Variants in CHRNA9 observed in about 807,000 individuals in gnomAD.
CHRNA9 encodes the protein neuronal acetylcholine receptor subunit alpha-9.
A neutral mutation model predicts 36.8 loss-of-function variants in CHRNA9; 24 were observed. The ratio of observed to expected loss-of-function variants is 0.65; its 90% CI spans 0.47 to 0.92. The LOEUF (loss-of-function observed/expected upper bound fraction) is 0.92, where lower values mean the gene tolerates loss of function less well. Among genes scored for constraint, CHRNA9 ranks in the 40% least tolerant of loss-of-function variants. The probability of loss-of-function intolerance (pLI) is 0.00; values close to 1 mark genes in which losing one functional copy is unlikely to be tolerated. For synonymous variants in CHRNA9, 231 were observed against 231.8 expected (o/e 1.00, Z 0.03); for missense variants, 610 against 601.2 (o/e 1.01, Z -0.15).
chr4:40,336,953 G>A (rs1712340615), intron 2 of CHRNA9, among the ~76,000 whole-genome samples: 1 of 152,088 alleles, frequency 6.6e-6, no homozygotes, highest in African/African-American at 2.4e-5. Flanking sequence ...GGAAATATAG[G>A]CAGTTGATCT....
rs1560319886 is a variant in CHRNA9, at chr4:40,354,849, AC to A, written c.*330del. The A allele has an allele frequency of 5.0e-6, 1 of 198,482 alleles. No homozygotes were observed. The highest frequency in any genetic ancestry group is 1.0e-5 in the Non-Finnish European group (1 of 96,234). The allele number at this position is 198,482 out of a possible 1,614,324, so 12.3% of individuals were successfully genotyped here. ...ATACACTTTACTGGTAAAATTTAAA[AC>A]AAAAAAGGCAAAACAAAACAAACTC... On this transcript the variant is annotated 3_prime_UTR_variant, in exon 5 of 5. Coordinates refer to ENST00000310169, the MANE Select transcript of CHRNA9 (RefSeq NM_017581.4).
At chr4:40,343,339 A>G (rs1712553427) in intron 3 of CHRNA9, among the ~76,000 whole-genome samples, 1 of 152,204 alleles carries the variant, frequency 6.6e-6, no homozygotes, top group Non-Finnish European at 1.5e-5. Context: ...ATGGCTGGGG[A>G]GGCCTCACAA....
chr4:40,351,226 G>T (rs1712797569), intron 4 of CHRNA9, among the ~76,000 whole-genome samples: 1 of 151,572 alleles, frequency 6.6e-6, no homozygotes, highest in Non-Finnish European at 1.5e-5. Flanking sequence ...CAGCTACTTG[G>T]GAGGCTGAGA....
chr4:40,353,490 C>CA (rs201421126), intron 4 of CHRNA9, among the ~76,000 whole-genome samples: 1,184 of 104,882 alleles, frequency 0.011, 5 homozygotes, highest in African/African-American at 0.019. Flanking sequence ...GACTCTGTCT[C>CA]AAAAAAAAAA....
intron 3 of CHRNA9, among the ~76,000 whole-genome samples, chr4:40,343,466 A>T (rs766000722): frequency 6.6e-6 from 1 of 152,138 alleles, no homozygotes; most frequent in Non-Finnish European, 1.5e-5. Context: ...TTTATTCACT[A>T]TCACAAGATC....
At chr4:40,346,881 A>G (rs1423872941) in intron 3 of CHRNA9, among the ~76,000 whole-genome samples, 1 of 151,936 alleles carries the variant, frequency 6.6e-6, no homozygotes, top group Admixed American at 6.6e-5. Context: ...TGTGATCTCA[A>G]CTCACTACAA....
Position 40,337,382 on chromosome 4 carries a change from C to G in CHRNA9, c.365+18C>G. The G allele has an allele frequency of 6.2e-7, 1 of 1,601,628 alleles. No homozygotes were observed. Among genetic ancestry groups the G allele is most frequent in the Non-Finnish European group, 8.5e-7 (1 of 1,170,858 alleles). ...TATAACAAGTAAGTGCAGCTCAGAA[C>G]TGAGGCTTTTCAGGCATGAACGTGT... On this transcript the variant is annotated intron_variant, in intron 3 of 4. Transcript: ENST00000310169.
At chr4:40,352,253 G>A (rs185805637) in intron 4 of CHRNA9, among the ~76,000 whole-genome samples, 1 of 152,234 alleles carries the variant, frequency 6.6e-6, no homozygotes, top group Admixed American at 6.5e-5. Flanking sequence ...ACATAGTCTA[G>A]CTCTGTTGCC....
chr4:40,342,062 T>A (rs1267917182), intron 3 of CHRNA9, among the ~76,000 whole-genome samples: 1 of 152,188 alleles, frequency 6.6e-6, no homozygotes, highest in Non-Finnish European at 1.5e-5. Flanking sequence ...GTGGTTGGAT[T>A]TTAATGAGCA....
chr4:40,354,180 G>A lies in CHRNA9; in HGVS notation c.1100G>A (p.Arg367Gln), dbSNP rs554971348. Reference sequence around the variant, plus strand: ...CTCAGCCCGCACCACAGTAGAGAGCGGGACCACCTCACGAAAGTTTATAGC... The same window carrying A: ...CTCAGCCCGCACCACAGTAGAGAGCAGGACCACCTCACGAAAGTTTATAGC... Reference protein sequence around the residue: ...SCLSPHHSRERDHLTKVYSKL... With the variant: ...SCLSPHHSREQDHLTKVYSKL... Residue 367 changes from arginine to glutamine, a missense_variant, in exon 5 of 5, where the codon CGG becomes CAG. Coordinates refer to ENST00000310169, the MANE Select transcript of CHRNA9 (RefSeq NM_017581.4). 1.1e-5 allele frequency: 17 copies of A among 1,614,164 alleles called. No homozygotes were observed. The East Asian group carries it at 3.6e-4, about 34-fold the overall frequency.
intron 3 of CHRNA9, among the ~76,000 whole-genome samples, chr4:40,341,428 C>A (rs1356047964): frequency 1.3e-5 from 2 of 152,048 alleles, no homozygotes; most frequent in Non-Finnish European, 2.9e-5. Flanking sequence ...AGACAGGGAG[C>A]CTTCACTTCA....
intron 1 of CHRNA9, 52 bp downstream of exon 1, chr4:40,335,583 T>A: frequency 1.4e-6 from 2 of 1,427,756 alleles, no homozygotes. Flanking sequence ...GGCTATTGCT[T>A]TGGTGGGAGG....
intron 3 of CHRNA9, among the ~76,000 whole-genome samples, chr4:40,340,132 A>G (rs1418616222): frequency 2.0e-5 from 3 of 152,156 alleles, no homozygotes; most frequent in African/African-American, 4.8e-5. Context: ...CTCCCTTATT[A>G]GAGAAGCCAG....
intron 2 of CHRNA9, 131 bp downstream of exon 2, chr4:40,336,103 A>G (rs1329322412): frequency 3.9e-6 from 3 of 765,100 alleles, no homozygotes; most frequent in Non-Finnish European, 6.5e-6. Flanking sequence ...GTGGGAGAAG[A>G]GAATGTCGGG....
chr4:40,343,873 G>T (rs1195797645), intron 3 of CHRNA9, among the ~76,000 whole-genome samples: 1 of 152,184 alleles, frequency 6.6e-6, no homozygotes, highest in African/African-American at 2.4e-5. Context: ...CCCCCTTAAA[G>T]ATGTCCACAT....
chr4:40,335,719 C>T (rs1209468409), intron 1 of CHRNA9, 108 bp from the exon 2 acceptor site: 3 of 1,189,648 alleles, frequency 2.5e-6, no homozygotes, highest in Non-Finnish European at 3.7e-6. Flanking sequence ...AAAGCTTGTC[C>T]CTCGCCAGTG....
intron 3 of CHRNA9, among the ~76,000 whole-genome samples, chr4:40,346,409 G>T (rs900164778): frequency 1.3e-5 from 2 of 152,078 alleles, no homozygotes; most frequent in Non-Finnish European, 2.9e-5. Context: ...CTCTCCTCAG[G>T]TTATCTAATT....
intron 4 of CHRNA9, chr4:40,350,071 A>C (rs1163444527): frequency 6.6e-6 from 1 of 152,222 alleles, no homozygotes; most frequent in Non-Finnish European, 1.5e-5. Flanking sequence ...TTATCATTTC[A>C]CGTGACAAGG....
rs1712344879 is a variant in CHRNA9, at chr4:40,337,112, GTGTT to G, written c.211-94_211-91del. On this transcript the variant is annotated intron_variant, in intron 2 of 4. Transcript: ENST00000310169. Reference sequence around the variant, plus strand: ...CACTTTACTTATTGAAATTTGATGAGTGTTTGTGAAATTCCTATTGTGAAGAACA... The same window carrying G: ...CACTTTACTTATTGAAATTTGATGAGTGTGAAATTCCTATTGTGAAGAACA... 5 of 1,070,256 alleles carry G rather than the reference GTGTT, an allele frequency of 4.7e-6. No homozygotes were observed. The African/African-American group carries it at 4.7e-5, about 10-fold the overall frequency. The allele number at this position is 1,070,256 out of a possible 1,614,324, so 66.3% of individuals were successfully genotyped here.
Sources: allele counts gnomAD v4.1 joint callset (sites outside exome capture counted in the v4.1 genomes callset), GRCh38; gene constraint gnomAD v4.1.1; transcripts MANE v1.5; gene names NCBI Gene and HGNC (gene_info 2026-07-23, HGNC 2026-07-21).